FOXN3: variants seen among roughly 807,000 people sequenced by gnomAD.
The protein encoded by FOXN3 is forkhead box N3.
A neutral mutation model predicts 38.4 loss-of-function variants in FOXN3; 7 were observed. That is an observed-to-expected ratio of 0.18 (90% confidence interval 0.10 to 0.34). The LOEUF is 0.34. Ranked by LOEUF, FOXN3 falls within the 10% of genes least tolerant of loss-of-function variation. The probability of loss-of-function intolerance (pLI) is 1.00; values close to 1 mark genes in which losing one functional copy is unlikely to be tolerated. For missense variants in FOXN3, 456 were observed against 613.4 expected (o/e 0.74, Z 2.71); for synonymous variants, 230 against 242.2 (o/e 0.95, Z 0.47).
At chr14:89,297,420 C>T (rs897040654) in intron 3 of FOXN3, among the ~76,000 whole-genome samples, 1 of 151,980 alleles carries the variant, frequency 6.6e-6, no homozygotes, top group Non-Finnish European at 1.5e-5. Flanking sequence ...ATTAGCCGGG[C>T]GTGGTGGCGG....
At chr14:89,536,985 A>G (rs1894702982) in intron 1 of FOXN3, among the ~76,000 whole-genome samples, 1 of 151,888 alleles carries the variant, frequency 6.6e-6, no homozygotes, top group Non-Finnish European at 1.5e-5. Context: ...TCTCTCCTCA[A>G]CTCAACCCCA....
intron 5 of FOXN3, among the ~76,000 whole-genome samples, chr14:89,167,355 T>C (rs1248665608): frequency 1.3e-5 from 2 of 152,242 alleles, no homozygotes; most frequent in African/African-American, 4.8e-5. Context: ...ATAATGAGCA[T>C]GTGTCATCTC....
intron 2 of FOXN3, among the ~76,000 whole-genome samples, chr14:89,376,754 C>T (rs1301514104): frequency 6.6e-6 from 1 of 152,028 alleles, no homozygotes; most frequent in African/African-American, 2.4e-5. Context: ...TGGCTCACAC[C>T]TATAATCCTA....
chr14:89,439,978 C>T (rs1035375677), intron 1 of FOXN3, among the ~76,000 whole-genome samples: 1 of 152,136 alleles, frequency 6.6e-6, no homozygotes, highest in Admixed American at 6.5e-5. Context: ...AATAAACTTG[C>T]TTTCACTTTA....
intron 2 of FOXN3, among the ~76,000 whole-genome samples, chr14:89,354,374 C>T (rs573562926): frequency 2.0e-5 from 3 of 150,658 alleles, no homozygotes; most frequent in African/African-American, 4.9e-5. Flanking sequence ...TACAGGCACC[C>T]GCCACCACGC....
intron 3 of FOXN3, among the ~76,000 whole-genome samples, chr14:89,292,926 A>C (rs192736100): frequency 2.9e-3 from 446 of 152,258 alleles, no homozygotes; most frequent in Admixed American, 5.6e-3. Flanking sequence ...CAATACTCTT[A>C]AAAATCCTTT....
At chr14:89,318,180 C>A (rs1261511409) in intron 3 of FOXN3, among the ~76,000 whole-genome samples, 5 of 83,794 alleles carry the variant, frequency 6.0e-5, no homozygotes, top group African/African-American at 1.2e-4. Context: ...TTTTTTGAGG[C>A]GGAGTTTCAC....
chr14:89,259,335 G>A (rs1885725436), intron 4 of FOXN3, among the ~76,000 whole-genome samples: 1 of 152,144 alleles, frequency 6.6e-6, no homozygotes, highest in African/African-American at 2.4e-5. Context: ...CTTGGGTAAT[G>A]AGTCAGTTTT....
At chr14:89,449,072 C>G (rs1408301478) in intron 1 of FOXN3, among the ~76,000 whole-genome samples, 1 of 152,216 alleles carries the variant, frequency 6.6e-6, no homozygotes, top group East Asian at 1.9e-4. Flanking sequence ...CTGCATCTCT[C>G]TTGTGTGTTA....
intron 1 of FOXN3, among the ~76,000 whole-genome samples, chr14:89,593,568 T>C (rs1429341912): frequency 6.6e-6 from 1 of 152,242 alleles, no homozygotes; most frequent in African/African-American, 2.4e-5. Context: ...GGGTAAGGTC[T>C]ATATTCTCAT....
intron 2 of FOXN3, among the ~76,000 whole-genome samples, chr14:89,387,004 C>T (rs897494470): frequency 3.3e-5 from 5 of 152,286 alleles, no homozygotes; most frequent in East Asian, 1.9e-4. Context: ...CGCCTGTAAT[C>T]CCAGCACTTT....
chr14:89,266,599 A>G (rs1046686294), intron 4 of FOXN3, among the ~76,000 whole-genome samples: 1 of 152,106 alleles, frequency 6.6e-6, no homozygotes, highest in East Asian at 1.9e-4. Flanking sequence ...GGTGCTGGAG[A>G]TAGAGATAAG....
intron 5 of FOXN3, among the ~76,000 whole-genome samples, chr14:89,167,671 G>T (rs1422820446): frequency 3.9e-5 from 6 of 152,130 alleles, no homozygotes. Flanking sequence ...AAAGATCCTA[G>T]ATCAAGTACA....
At chr14:89,458,665 A>T (rs1284920594) in intron 1 of FOXN3, among the ~76,000 whole-genome samples, 1 of 152,124 alleles carries the variant, frequency 6.6e-6, no homozygotes, top group African/African-American at 2.4e-5. Flanking sequence ...AAAACAAATG[A>T]TTACCAAAAA....
In FOXN3 at chr14:89,291,498, C is replaced by T. The variant is rs1054822906; in HGVS notation, c.681-10484G>A. 190 of 596,142 alleles carry T rather than the reference C, an allele frequency of 3.2e-4. 2 individuals are homozygous for T. The highest frequency in any genetic ancestry group is 1.6e-3 in the South Asian group (114 of 72,972). 36.9% of individuals were successfully genotyped at this position (596,142 alleles called of 1,614,324 possible). The stretch of plus-strand genomic sequence containing the variant: ...CCTCCACAGACACTCTTGCTTACCC[C>T]GCCATCCCCAGGGGGCCTGTGGGAC... On this transcript the variant is annotated intron_variant, in intron 3 of 5. Transcript: ENST00000557258.
At chr14:89,224,769 C>G (rs1189617113) in intron 4 of FOXN3, among the ~76,000 whole-genome samples, 1 of 152,174 alleles carries the variant, frequency 6.6e-6, no homozygotes, top group African/African-American at 2.4e-5. Flanking sequence ...GAGGCCAAGA[C>G]AGGAGGATTG....
intron 3 of FOXN3, among the ~76,000 whole-genome samples, chr14:89,332,610 A>G (rs1888283997): frequency 6.6e-6 from 1 of 152,228 alleles, no homozygotes; most frequent in African/African-American, 2.4e-5. Flanking sequence ...AAACTAGAAG[A>G]AAACAAAGGG....
chr14:89,436,791 T>C (rs1413374398), intron 1 of FOXN3, among the ~76,000 whole-genome samples: 2 of 152,178 alleles, frequency 1.3e-5, no homozygotes, highest in African/African-American at 4.8e-5. Context: ...AGAGGCCAGA[T>C]TTGATAGGAA....
intron 2 of FOXN3, among the ~76,000 whole-genome samples, chr14:89,374,906 G>C (rs1023325991): frequency 6.6e-6 from 1 of 151,856 alleles, no homozygotes; most frequent in Non-Finnish European, 1.5e-5. Context: ...GAATACAGGA[G>C]GTGGAGATTG....
Sources: allele counts gnomAD v4.1 joint callset (sites outside exome capture counted in the v4.1 genomes callset), GRCh38; gene constraint gnomAD v4.1.1; transcripts MANE v1.5; gene names NCBI Gene and HGNC (gene_info 2026-07-23, HGNC 2026-07-21).